The following MPRIP variants were observed in gnomAD, a reference collection of about 807,000 sequenced individuals.
MPRIP encodes myosin phosphatase Rho interacting protein.
A neutral mutation model predicts 234.9 loss-of-function variants in MPRIP; 59 were observed. The observed-to-expected ratio is 0.25, with a 90% CI of 0.20 to 0.31. MPRIP has a LOEUF of 0.31. Among genes scored for constraint, MPRIP ranks in the 10% least tolerant of loss-of-function variants. The pLI is 1.00. For missense variants in MPRIP, 2,436 were observed against 3,071.0 expected (o/e 0.79, Z 4.89); for synonymous variants, 1,144 against 1,263.9 (o/e 0.91, Z 2.01).
intron 12 of MPRIP, among the ~76,000 whole-genome samples, chr17:17,150,680 A>G (rs1297865006): frequency 2.7e-5 from 4 of 146,978 alleles, no homozygotes; most frequent in African/African-American, 1.0e-4. Flanking sequence ...CAGATGAGCA[A>G]GGCATTGCAC....
At chr17:17,118,748 T>C (rs973155495) in intron 3 of MPRIP, among the ~76,000 whole-genome samples, 1 of 152,210 alleles carries the variant, frequency 6.6e-6, no homozygotes, top group Admixed American at 6.5e-5. Flanking sequence ...CTTTGCTTAC[T>C]CTGGGCCTGC....
At chr17:17,127,489 AG>A (rs1330429288) in intron 4 of MPRIP, among the ~76,000 whole-genome samples, 4 of 152,246 alleles carry the variant, frequency 2.6e-5, no homozygotes, top group Admixed American at 2.6e-4. Context: ...TGCTGAGCCC[AG>A]GGCAGCATCT....
At chr17:17,107,872 T>A (rs2090093223) in intron 3 of MPRIP, among the ~76,000 whole-genome samples, 1 of 152,218 alleles carries the variant, frequency 6.6e-6, no homozygotes, top group African/African-American at 2.4e-5. Context: ...CCTCTGTGTC[T>A]GTAAGTGGTT....
At chr17:17,131,958 A>C (rs1414233454) in intron 5 of MPRIP, among the ~76,000 whole-genome samples, 1 of 152,206 alleles carries the variant, frequency 6.6e-6, no homozygotes, top group Non-Finnish European at 1.5e-5. Flanking sequence ...AGCAGTACAC[A>C]GCTGTGACCC....
At chr17:17,146,964 C>T (rs914797121) in intron 10 of MPRIP, among the ~76,000 whole-genome samples, 3 of 152,228 alleles carry the variant, frequency 2.0e-5, no homozygotes, top group Admixed American at 6.5e-5. Flanking sequence ...GCCACCTTTC[C>T]GTTCTGATGG....
chr17:17,128,002 GA>G (rs2090526332), intron 4 of MPRIP, among the ~76,000 whole-genome samples: 2 of 152,222 alleles, frequency 1.3e-5, no homozygotes, highest in South Asian at 4.1e-4. Context: ...AGCCGAGCTG[GA>G]GGAGCACTTC....
At chr17:17,108,962 C>CGG (rs1469995178) in intron 3 of MPRIP, among the ~76,000 whole-genome samples, 1 of 152,220 alleles carries the variant, frequency 6.6e-6, no homozygotes, top group African/African-American at 2.4e-5. Context: ...GCTAGCACTG[C>CGG]CTCTTCTCCA....
intron 3 of MPRIP, among the ~76,000 whole-genome samples, chr17:17,114,355 T>TC (rs2090238116): frequency 6.6e-6 from 1 of 152,206 alleles, no homozygotes; most frequent in Non-Finnish European, 1.5e-5. Context: ...TCCCTTCCCT[T>TC]CCCTAGGTTG....
At position 17,058,261 on chromosome 17, in the gene MPRIP, A is replaced by G. The variant is rs573956408; in HGVS notation, c.123+15290A>G. On this transcript the variant is annotated intron_variant, in intron 1 of 23. Coordinates refer to ENST00000651222, the MANE Select transcript of MPRIP (RefSeq NM_001364716.4). ...GTCCTTCAAGCCCCTCTTTGCAAGC[A>G]GGGACCTGGGGAGAGGATTCTAGGG... 2.0e-5 allele frequency among the ~76,000 whole-genome samples: 3 copies of G among 152,280 alleles called. No individual in the cohort carries two copies. The South Asian group carries it at 6.2e-4, about 32-fold the overall frequency.
intron 13 of MPRIP, among the ~76,000 whole-genome samples, chr17:17,154,882 C>G (rs1018597951): frequency 1.3e-5 from 2 of 152,260 alleles, no homozygotes; most frequent in Admixed American, 1.3e-4. Flanking sequence ...TTGAAAAACC[C>G]TCTCCTGTTT....
Position 17,089,856 on chromosome 17 carries a change from C to T in MPRIP, c.267+11780C>T, listed in dbSNP as rs151075519. On this transcript the variant is annotated intron_variant, in intron 3 of 23. Coordinates refer to ENST00000651222, the MANE Select transcript of MPRIP (RefSeq NM_001364716.4). Reference sequence around the variant, plus strand: ...GGAAAGGACCTGGAAGAGCCAGCCCCGTCCTCAGTTGGGGGCGATGGAGAA... The same window carrying T: ...GGAAAGGACCTGGAAGAGCCAGCCCTGTCCTCAGTTGGGGGCGATGGAGAA... Among the ~76,000 whole-genome samples the T allele has an allele frequency of 1.7e-3, 255 of 152,300 alleles. 1 individual carries two copies. Among genetic ancestry groups the T allele is most frequent in the African/African-American group, 5.5e-3 (227 of 41,558 alleles).
intron 3 of MPRIP, among the ~76,000 whole-genome samples, chr17:17,099,546 C>T (rs1469737638): frequency 6.6e-6 from 1 of 152,096 alleles, no homozygotes; most frequent in Non-Finnish European, 1.5e-5. Context: ...GGCAACATAG[C>T]AAGACCGCTG....
chr17:17,148,764 C>G (rs1386589277), intron 11 of MPRIP, among the ~76,000 whole-genome samples: 1 of 152,062 alleles, frequency 6.6e-6, no homozygotes, highest in Admixed American at 6.5e-5. Context: ...AAACTGTGGT[C>G]ATTAATTTTG....
rs770818596 is a variant in MPRIP, at chr17:17,171,849, A to G, written c.6456A>G (p.Thr2152=). 5.6e-6 allele frequency: 9 copies of G among 1,611,286 alleles called. No homozygotes were observed. Among genetic ancestry groups the G allele is most frequent in the African/African-American group, 1.4e-5 (1 of 73,752 alleles). The change falls in exon 17 of 24, where the codon ACA becomes ACG. Residue 2152 remains threonine, a synonymous_variant. Transcript: ENST00000651222. ...AAGACCGCCTCCTAGCCGAGGAGAC[A>G]GCGGCCACCATCTCAGGTTGGGGGG... ...EEKDRLLAEE[T]AATISAIEAM...
intron 3 of MPRIP, among the ~76,000 whole-genome samples, chr17:17,124,154 T>A (rs1784222643): frequency 6.6e-6 from 1 of 152,172 alleles, no homozygotes; most frequent in Admixed American, 6.5e-5. Flanking sequence ...ACTCATTTGG[T>A]GAGGCTGAGA....
intron 3 of MPRIP, among the ~76,000 whole-genome samples, chr17:17,091,375 A>G (rs567037998): frequency 9.9e-5 from 15 of 152,170 alleles, no homozygotes; most frequent in African/African-American, 2.9e-4. Flanking sequence ...GGTCCCCACT[A>G]TCACTCCCAG....
Position 17,164,596 on chromosome 17 carries a change from A to G in MPRIP, c.3005A>G (p.Gln1002Arg), listed in dbSNP as rs1236619569. 1.2e-5 allele frequency: 15 copies of G among 1,212,910 alleles called. No homozygotes were observed. Among genetic ancestry groups the G allele is most frequent in the Non-Finnish European group, 1.5e-5 (14 of 947,526 alleles). The allele number at this position is 1,212,910 out of a possible 1,614,324, so 75.1% of individuals were successfully genotyped here. The change falls in exon 16 of 24, where the codon CAG becomes CGG. Residue 1002 changes from glutamine (Q) to arginine (R), a missense_variant. Around this residue, in one of 4 missense-constraint regions of MPRIP, gnomAD observed 1,998 missense variants for 2,520.3 expected, o/e 0.79. Transcript: ENST00000651222. The stretch of plus-strand genomic sequence containing the variant: ...CAGGAGCGCATTGCCGACCTCAGCC[A>G]GCAACTGGGCGCCAGTGAGCAGGCG... ...RLQERIADLS[Q>R]QLGASEQAQR...
intron 16 of MPRIP, among the ~76,000 whole-genome samples, chr17:17,169,907 A>T (rs2144658026): frequency 6.6e-6 from 1 of 152,304 alleles, no homozygotes; most frequent in South Asian, 2.1e-4. Context: ...ATTTTTTAGC[A>T]TATAGTTTCT....
intron 3 of MPRIP, among the ~76,000 whole-genome samples, chr17:17,123,365 TAAAAA>T (rs990468585): frequency 3.9e-5 from 6 of 152,010 alleles, no homozygotes; most frequent in African/African-American, 1.4e-4. Flanking sequence ...AAGCTGTTGT[TAAAAA>T]GAAAAGTTAG....
Sources: gnomAD v4.1 joint callset for allele counts (sites outside exome capture counted in the v4.1 genomes callset) on GRCh38, gnomAD v4.1.1 for gene constraint, gnomAD v4.1.1 regional missense constraint, MANE v1.5 for transcripts, NCBI Gene and HGNC (gene_info 2026-07-23, HGNC 2026-07-21) for gene names.